Variants in POLE observed in about 807,000 individuals in gnomAD.
The protein encoded by POLE is DNA polymerase epsilon catalytic subunit A.
A neutral mutation model predicts 279.2 loss-of-function variants in POLE; 188 were observed. That is an observed-to-expected ratio of 0.67 (90% CI 0.60 to 0.76). The LOEUF (loss-of-function observed/expected upper bound fraction) is 0.76, where lower values mean the gene tolerates loss of function less well. POLE is among the 30% of genes least tolerant of loss of function. The pLI is 0.00. For missense variants in POLE, 2,703 were observed against 3,016.7 expected (o/e 0.90, Z 2.44); for synonymous variants, 1,214 against 1,172.5 (o/e 1.04, Z -0.72).
intron 30 of POLE, 54 bp from the exon 31 acceptor site, chr12:132,649,569 G>A (rs770341581): frequency 3.1e-5 from 50 of 1,597,308 alleles, no homozygotes; most frequent in African/African-American, 1.7e-4. Context: ...GGGAATGCCC[G>A]CCATGACTTT....
chr12:132,679,898 AG>A, intron 5 of POLE, 55 bp downstream of exon 5: 1 of 1,307,760 alleles, frequency 7.6e-7, no homozygotes, highest in African/African-American at 1.5e-5. Flanking sequence ...CCCACCTGCC[AG>A]GAACAATGTA....
Position 132,635,927 on chromosome 12 carries a change from T to C in POLE, c.5776A>G (p.Lys1926Glu), listed in dbSNP as rs781099396. 11 of 1,613,810 alleles carry C rather than the reference T, an allele frequency of 6.8e-6. No homozygotes were observed. In the South Asian group the frequency reaches 1.1e-4, roughly 16 times the overall value. ...WMDPSNYGGI[K>E]GKVSSRIHCG... is the part of the protein sequence containing the mutation. ...TGAATACGAGATGAAACTTTTCCTT[T>C]GATTCCGCCATAGTTAGATGGATCC... The change falls in exon 42 of 49, where the codon AAA becomes GAA. Residue 1926 changes from lysine to glutamate, a missense_variant. Coordinates refer to ENST00000320574, the MANE Select transcript of POLE (RefSeq NM_006231.4).
At chr12:132,687,119 A>C (rs2136051066) in intron 1 of POLE, 135 bp downstream of exon 1, 1 of 427,698 alleles carries the variant, frequency 2.3e-6, no homozygotes, top group Non-Finnish European at 3.6e-6. Flanking sequence ...GCGCCGCCCT[A>C]CCCCAGTCAG....
Position 132,634,408 on chromosome 12 carries a change from T to C in POLE, c.5812-30A>G, listed in dbSNP as rs370858885. 2.3e-5 allele frequency: 37 copies of C among 1,597,792 alleles called. No homozygotes were observed. The African/African-American group carries it at 3.1e-4, about 13-fold the overall frequency. On this transcript the variant is annotated intron_variant, in intron 42 of 48. Coordinates refer to ENST00000320574, the MANE Select transcript of POLE (RefSeq NM_006231.4). The surrounding 1 kb of genome is among the most constrained non-coding windows in gnomAD (Gnocchi z 4.0). ...AACACATGAGACAACGCGGCTGTGTTTGCACCATCGCGGCCTGGTAGAGGG... is the reference window on the plus strand; with the variant it reads ...AACACATGAGACAACGCGGCTGTGTCTGCACCATCGCGGCCTGGTAGAGGG...
intron 32 of POLE, among the ~76,000 whole-genome samples, chr12:132,648,068 G>C (rs2042327100): frequency 6.6e-6 from 1 of 152,188 alleles, no homozygotes; most frequent in Non-Finnish European, 1.5e-5. Context: ...GAAATGTGCT[G>C]AGCCGACACA....
In POLE at chr12:132,672,276, A is replaced by C; in HGVS notation, c.1733T>G (p.Leu578Trp). The change falls in exon 16 of 49, where the codon TTG (leucine) becomes TGG (tryptophan). Residue 578 changes from leucine to tryptophan, a missense_variant. Physicochemically the swap from Leu to Trp is moderately conservative, Grantham distance 61 (BLOSUM62 -2). This residue lies in a region of POLE where 1,011 missense variants were observed against 1,111.7 expected (regional missense o/e 0.91). Coordinates refer to ENST00000320574, the MANE Select transcript of POLE (RefSeq NM_006231.4). ...CTCCTCTTCCTCAAGGGCGTGGCGC[A>C]AGGTCTTCTCAACCCGCTGCAGCAG... ...DFLLQRVEKT[L>W]RHALEEEEKV... 2 of 1,614,206 alleles carry C rather than the reference A, an allele frequency of 1.2e-6. No individual in the cohort carries two copies. Among genetic ancestry groups the C allele is most frequent in the Non-Finnish European group, 1.7e-6 (2 of 1,180,030 alleles).
chr12:132,641,573 C>T, intron 39 of POLE, 74 bp downstream of exon 39: 2 of 1,313,334 alleles, frequency 1.5e-6, no homozygotes, highest in Non-Finnish European at 2.2e-6. Context: ...CTGTCTTAGA[C>T]CTTAGCTTTC....
In POLE at chr12:132,664,167, G is replaced by C; in HGVS notation, c.2562-19C>G. ...GGGCCTCCTTCAGAGAAAGAGAGGA[G>C]CAAGGTCGTGAGTTCCCCTTTCCTT... is the stretch of plus-strand genomic sequence containing the variant. On this transcript the variant is annotated intron_variant, in intron 22 of 48. Coordinates refer to ENST00000320574, the MANE Select transcript of POLE (RefSeq NM_006231.4). The surrounding 1 kb of genome is among the most constrained non-coding windows in gnomAD (Gnocchi z 5.3). 6.2e-7 allele frequency: 1 copy of C among 1,612,940 alleles called. No individual in the cohort carries two copies. The highest frequency in any genetic ancestry group is 8.5e-7 in the Non-Finnish European group (1 of 1,179,732).
chr12:132,638,086 T>C lies in POLE; in HGVS notation c.5606A>G (p.Asn1869Ser), dbSNP rs1397189983. 3.1e-6 allele frequency: 5 copies of C among 1,613,756 alleles called. No individual in the cohort carries two copies. The highest frequency in any genetic ancestry group is 1.3e-5 in the African/African-American group (1 of 74,820). Residue 1869 changes from asparagine to serine, a missense_variant, in exon 41 of 49, where the codon AAC (asparagine) becomes AGC (serine). Asn to Ser is a conservative substitution (Grantham distance 46). Around this residue, in one of 5 missense-constraint regions of POLE, gnomAD observed 1,551 missense variants for 1,686.1 expected, o/e 0.92. Coordinates refer to ENST00000320574, the MANE Select transcript of POLE (RefSeq NM_006231.4). ...LGSSVIYANFNRIILCTKKRR... is the reference protein window; with the variant it reads ...LGSSVIYANFSRIILCTKKRR... ...CTTCTTTGTACAGAGGATGATGCGG[T>C]TGAAGTTGGCGTAGATGACTGATGA... is the stretch of plus-strand genomic sequence containing the variant.
rs753426630 is a variant in POLE, at chr12:132,649,461, G to A, written c.3850C>T (p.Arg1284Trp). 9.3e-6 allele frequency: 15 copies of A among 1,612,120 alleles called. No homozygotes were observed. The highest frequency in any genetic ancestry group is 1.7e-4 in the Middle Eastern group (1 of 6,028). Residue 1284 changes from arginine to tryptophan, a missense_variant, in exon 31 of 49, where the codon CGG becomes TGG. Physicochemically the swap from Arg to Trp is moderately radical, Grantham distance 101 (BLOSUM62 -3). Around this residue, in one of 5 missense-constraint regions of POLE, gnomAD observed 1,551 missense variants for 1,686.1 expected, o/e 0.92. Coordinates refer to ENST00000320574, the MANE Select transcript of POLE (RefSeq NM_006231.4). ...CTCTTCCTGCGGGCGAGGCGCTGCC[G>A]GGCCTGCAGCTGCCACTTCTTCTTG... ...FHKKKWQLQA[R>W]QRLARRKRQR...
At chr12:132,676,416 T>C in intron 9 of POLE, 130 bp downstream of exon 9, 1 of 738,474 alleles carries the variant, frequency 1.4e-6, no homozygotes, top group Non-Finnish European at 2.4e-6. Flanking sequence ...AACGGCTTGG[T>C]TGCTCCCATT....
In POLE at chr12:132,675,353, G is replaced by A. The variant is rs5744761; in HGVS notation, c.1226+45C>T. The A allele has an allele frequency of 0.05, 79,331 of 1,600,170 alleles. 2,869 individuals are homozygous for A. Among genetic ancestry groups the A allele is most frequent in the Admixed American group, 0.16 (9,598 of 58,794 alleles). ...AGTCTGCAAGAGGCCTTCAGATCTC[G>A]CTCACGGACAGCAGTGAGGAGCCAT... On this transcript the variant is annotated intron_variant, in intron 12 of 48. Coordinates refer to ENST00000320574, the MANE Select transcript of POLE (RefSeq NM_006231.4). This position sits in a 1 kb window ranked among gnomAD's most constrained non-coding sequence, Gnocchi z 4.3.
rs2138605306 is a variant in POLE, at chr12:132,649,330, C to G, written c.3981G>C (p.Leu1327=). ...CCTGCACAATCTGCCACGGAAGGTC[C>G]AGGATGCTGCGGGCAGTTCTTCGCA... is the stretch of plus-strand genomic sequence containing the variant. ...SFLRRTARSI[L]DLPWQIVQIS... The change falls in exon 31 of 49, where the codon CTG becomes CTC. Residue 1327 remains leucine (L), a synonymous_variant. Coordinates refer to ENST00000320574, the MANE Select transcript of POLE (RefSeq NM_006231.4). 6.2e-7 allele frequency: 1 copy of G among 1,613,686 alleles called. No individual in the cohort carries two copies. The highest frequency in any genetic ancestry group is 1.1e-5 in the South Asian group (1 of 91,088).
intron 23 of POLE, 122 bp downstream of exon 23, chr12:132,663,882 G>T: frequency 2.1e-6 from 2 of 964,796 alleles, no homozygotes; most frequent in Non-Finnish European, 3.1e-6. Context: ...CTATAGAAAA[G>T]CAATGTGAGC....
At chr12:132,643,024 C>T in intron 35 of POLE, 28 bp from the exon 36 acceptor site, 3 of 1,565,090 alleles carry the variant, frequency 1.9e-6, no homozygotes, top group South Asian at 2.4e-5. Context: ...ACGTCAGCCT[C>T]CCCCTGCGCA....
chr12:132,654,912 G>A (rs1017401279), intron 29 of POLE, among the ~76,000 whole-genome samples: 2 of 152,156 alleles, frequency 1.3e-5, no homozygotes, highest in African/African-American at 4.8e-5. Context: ...TCTTTCTTGA[G>A]TTGGGTTCTC....
chr12:132,678,659 A>G (rs1360915086), intron 6 of POLE, among the ~76,000 whole-genome samples: 2 of 152,196 alleles, frequency 1.3e-5, no homozygotes, highest in Non-Finnish European at 2.9e-5. Flanking sequence ...CCATCCCACC[A>G]TGGTCCTGAT....
chr12:132,659,522 A>G lies in POLE; in HGVS notation c.3061-13T>C, dbSNP rs2138679544. On this transcript the variant is annotated splice_polypyrimidine_tract_variant and intron_variant, in intron 25 of 48. Coordinates refer to ENST00000320574, the MANE Select transcript of POLE (RefSeq NM_006231.4). The stretch of plus-strand genomic sequence containing the variant: ...GCATGTTGGCTGCCTAGAGAAAGAC[A>G]ATGGGTAAAACACTGCAGAAATCAA... The G allele has an allele frequency of 6.2e-7, 1 of 1,610,246 alleles. No individual in the cohort carries two copies. Among genetic ancestry groups the G allele is most frequent in the Non-Finnish European group, 8.5e-7 (1 of 1,176,684 alleles).
At chr12:132,667,791 GA>G in intron 19 of POLE, 143 bp from the exon 20 acceptor site, 12 of 918,404 alleles carry the variant, frequency 1.3e-5, no homozygotes, top group Non-Finnish European at 1.7e-5. Context: ...TTCTCATACC[GA>G]AAAAGGTGGG....
Sources: gnomAD v4.1 joint callset for allele counts (sites outside exome capture counted in the v4.1 genomes callset) on GRCh38, gnomAD v4.1.1 for gene constraint, gnomAD v4.1.1 regional missense constraint, Gnocchi (gnomAD v3.1) non-coding constraint, MANE v1.5 for transcripts, NCBI Gene and HGNC (gene_info 2026-07-23, HGNC 2026-07-21) for gene names.